PARD3B: variants seen among roughly 807,000 people sequenced by gnomAD.
PARD3B encodes par-3 family cell polarity regulator beta.
Under a neutral mutation model 130.2 loss-of-function variants are expected in PARD3B, and 103 were observed. The observed-to-expected ratio is 0.79, with a 90% CI of 0.67 to 0.93. The LOEUF (loss-of-function observed/expected upper bound fraction) is 0.93. Ranked by LOEUF, PARD3B falls within the 40% of genes least tolerant of loss-of-function variation. The pLI, the probability that PARD3B is intolerant of heterozygous loss-of-function variation, is 0.00. For missense variants in PARD3B, 1,609 were observed against 1,499.2 expected (o/e 1.07, Z -1.21); for synonymous variants, 583 against 553.2 (o/e 1.05, Z -0.76).
chr2:205,567,569 G>A (rs187315674), intron 22 of PARD3B, among the ~76,000 whole-genome samples: 155 of 146,838 alleles, frequency 1.1e-3, no homozygotes, highest in African/African-American at 3.7e-3. Context: ...TGATCCACCC[G>A]CCTCGGCCTC....
In PARD3B at chr2:205,568,241, T is replaced by G. The variant is rs73060175; in HGVS notation, c.3260+14838T>G. On this transcript the variant is annotated intron_variant, in intron 22 of 22. Coordinates refer to ENST00000406610, the MANE Select transcript of PARD3B (RefSeq NM_001302769.2). The surrounding 1 kb of genome is among the most constrained non-coding windows in gnomAD (Gnocchi z 5.3). The stretch of plus-strand genomic sequence containing the variant: ...TTTCGTGAGAGAAAACATATGAGAT[T>G]AGTAAGATGCCCCAGACAATCCTGA... Among the ~76,000 whole-genome samples, 128 of 152,250 alleles carry G rather than the reference T, an allele frequency of 8.4e-4. No homozygotes were observed. Among genetic ancestry groups the G allele is most frequent in the African/African-American group, 2.9e-3 (122 of 41,556 alleles).
rs985146717 is a variant in PARD3B, at chr2:205,105,544, G to A, written c.593+1030G>A. Among the ~76,000 whole-genome samples, 3 of 152,248 alleles carry A rather than the reference G, an allele frequency of 2.0e-5. No homozygotes were observed. Among genetic ancestry groups the A allele is most frequent in the African/African-American group, 7.2e-5 (3 of 41,538 alleles). The stretch of plus-strand genomic sequence containing the variant: ...CATAGGTCATCATCCTTTGTCATGT[G>A]CTTTACTGTATGGATTCTCCTCAAA... On this transcript the variant is annotated intron_variant, in intron 5 of 22. Transcript: ENST00000406610. This position sits in a 1 kb window ranked among gnomAD's most constrained non-coding sequence, Gnocchi z 4.0.
intron 20 of PARD3B, among the ~76,000 whole-genome samples, chr2:205,464,286 G>A (rs1254035043): frequency 6.6e-6 from 1 of 152,092 alleles, no homozygotes; most frequent in Non-Finnish European, 1.5e-5. Context: ...ATAAATATTG[G>A]ATAAATCAAT....
At chr2:205,245,365 A>T (rs1287327083) in intron 15 of PARD3B, among the ~76,000 whole-genome samples, 1 of 152,198 alleles carries the variant, frequency 6.6e-6, no homozygotes, top group African/African-American at 2.4e-5. Context: ...TGACTAGATA[A>T]CAGAAGTCTA....
chr2:204,750,747 ATCC>A (rs1307617520), intron 2 of PARD3B, among the ~76,000 whole-genome samples: 4 of 152,148 alleles, frequency 2.6e-5, no homozygotes, highest in Non-Finnish European at 5.9e-5. Context: ...GATAAATACT[ATCC>A]TCCTTTCAAG....
At chr2:205,225,413 A>G (rs1047889653) in intron 15 of PARD3B, among the ~76,000 whole-genome samples, 5 of 152,188 alleles carry the variant, frequency 3.3e-5, no homozygotes. Flanking sequence ...CTTGAGAAAT[A>G]TCTGTGCAGA....
chr2:204,902,668 CAAAAA>C (rs5837941), intron 2 of PARD3B, among the ~76,000 whole-genome samples: 2 of 67,644 alleles, frequency 3.0e-5, no homozygotes, highest in Non-Finnish European at 5.7e-5. Flanking sequence ...GACTCTGTCT[CAAAAA>C]AAAAAAAAAA....
chr2:205,387,677 A>G (rs977648844), intron 18 of PARD3B, among the ~76,000 whole-genome samples: 1 of 152,184 alleles, frequency 6.6e-6, no homozygotes, highest in South Asian at 2.1e-4. Context: ...ATCAAATATG[A>G]CTGTAATGTT....
At chr2:205,542,027 C>T (rs1351277712) in intron 21 of PARD3B, among the ~76,000 whole-genome samples, 1 of 151,348 alleles carries the variant, frequency 6.6e-6, no homozygotes, top group Non-Finnish European at 1.5e-5. Flanking sequence ...CCTATAATCT[C>T]AGCTACTCGG....
intron 13 of PARD3B, among the ~76,000 whole-genome samples, chr2:205,185,230 C>T (rs1265571840): frequency 6.7e-6 from 1 of 149,814 alleles, no homozygotes; most frequent in African/African-American, 2.4e-5. Flanking sequence ...CATTATGGCA[C>T]AGATAGAAAA....
In PARD3B at chr2:205,007,166, TCTC is replaced by T. The variant is rs547714547; in HGVS notation, c.395-40412_395-40410del. Among the ~76,000 whole-genome samples, 6 of 152,266 alleles carry T rather than the reference TCTC, an allele frequency of 3.9e-5. No individual in the cohort carries two copies. The South Asian group carries it at 1.2e-3, about 32-fold the overall frequency. On this transcript the variant is annotated intron_variant, in intron 3 of 22. Transcript: ENST00000406610. ...ATCTGGTATTTCCCCTGCTTGCTCT[TCTC>T]CTTCCTGCCACCTTGTGAAGAAAGT...
intron 2 of PARD3B, among the ~76,000 whole-genome samples, chr2:204,919,571 A>G (rs2047585003): frequency 6.6e-6 from 1 of 152,172 alleles, no homozygotes; most frequent in Admixed American, 6.5e-5. Flanking sequence ...GTATATTTGT[A>G]GTTAGCTCCT....
At chr2:204,746,220 G>C (rs571115636) in intron 2 of PARD3B, among the ~76,000 whole-genome samples, 86 of 146,308 alleles carry the variant, frequency 5.9e-4, no homozygotes, top group African/African-American at 2.1e-3. Flanking sequence ...CTATGAGTGA[G>C]AACATGCAGT....
At chr2:205,400,662 A>G (rs536579069) in intron 18 of PARD3B, among the ~76,000 whole-genome samples, 24 of 151,976 alleles carry the variant, frequency 1.6e-4, no homozygotes, top group Non-Finnish European at 2.4e-4. Flanking sequence ...AATAAAAACT[A>G]AAGAAAGTCC....
intron 22 of PARD3B, among the ~76,000 whole-genome samples, chr2:205,573,945 G>A (rs1226293714): frequency 6.6e-6 from 1 of 152,140 alleles, no homozygotes; most frequent in Non-Finnish European, 1.5e-5. Context: ...AATTGACTTA[G>A]ATGATGTCAG....
In PARD3B at chr2:205,584,432, C is replaced by T. The variant is rs1559242427; in HGVS notation, c.3261-31024C>T. On this transcript the variant is annotated intron_variant, in intron 22 of 22. Transcript: ENST00000406610. The surrounding 1 kb of genome is among the most constrained non-coding windows in gnomAD (Gnocchi z 5.5). ...ATAGCTCATGCTTACAATCCCAGCA[C>T]TTTAGGAGGCCGAGGCAGGCCGATC... 6.6e-6 allele frequency among the ~76,000 whole-genome samples: 1 copy of T among 152,120 alleles called. No individual in the cohort carries two copies. Among genetic ancestry groups the T allele is most frequent in the African/African-American group, 2.4e-5 (1 of 41,418 alleles).
At position 205,300,152 on chromosome 2, in the gene PARD3B, G is replaced by A. The variant is rs1322025090; in HGVS notation, c.2186-378G>A. Among the ~76,000 whole-genome samples the A allele has an allele frequency of 6.6e-6, 1 of 152,132 alleles. No homozygotes were observed. The highest frequency in any genetic ancestry group is 1.9e-4 in the East Asian group (1 of 5,188). ...TGTGTGTCTGTGAGTATGCATGTGT[G>A]TATGTGGGTATTCTCACATATGTGA... is the stretch of plus-strand genomic sequence containing the variant. On this transcript the variant is annotated intron_variant, in intron 16 of 22. Transcript: ENST00000406610. The surrounding 1 kb of genome is among the most constrained non-coding windows in gnomAD (Gnocchi z 4.1).
chr2:204,626,995 C>T (rs980562101), intron 1 of PARD3B, among the ~76,000 whole-genome samples: 5 of 152,070 alleles, frequency 3.3e-5, no homozygotes, highest in Non-Finnish European at 7.4e-5. Context: ...TGGATCACAG[C>T]GATGGTTTCC....
chr2:205,451,238 G>A (rs2048092320), intron 20 of PARD3B, among the ~76,000 whole-genome samples: 1 of 152,236 alleles, frequency 6.6e-6, no homozygotes, highest in South Asian at 2.1e-4. Flanking sequence ...GGAGAAAGGA[G>A]AAAGGGGCAA....
Sources: allele counts gnomAD v4.1 joint callset (sites outside exome capture counted in the v4.1 genomes callset), GRCh38; gene constraint gnomAD v4.1.1; non-coding constraint Gnocchi (gnomAD v3.1); transcripts MANE v1.5; gene names NCBI Gene and HGNC (gene_info 2026-07-23, HGNC 2026-07-21).